The following ITPR1 variants were observed in gnomAD, a reference collection of about 807,000 sequenced individuals.
The protein encoded by ITPR1 is inositol 1,4,5-trisphosphate-gated calcium channel ITPR1.
In ITPR1, 96 loss-of-function variants were observed where a neutral mutation model predicts 318.4. The observed-to-expected ratio is 0.30, with a 90% CI of 0.26 to 0.36. ITPR1 has a LOEUF of 0.36. Ranked by LOEUF, ITPR1 falls within the 10% of genes least tolerant of loss-of-function variation. The pLI, the probability that ITPR1 is intolerant of heterozygous loss-of-function variation, is 1.00. For synonymous variants in ITPR1, 1,312 were observed against 1,289.9 expected, an observed-to-expected ratio of 1.02 and a Z score of -0.37; for missense variants, 2,440 against 3,460.2, an observed-to-expected ratio of 0.71 and a Z score of 7.40.
chr3:4,563,947 C>CT (rs535158611), intron 4 of ITPR1, among the ~76,000 whole-genome samples: 2,041 of 146,334 alleles, frequency 0.014, 40 homozygotes, highest in African/African-American at 0.046. Flanking sequence ...GTTTTCTTTT[C>CT]TTTTTTTTTT....
intron 40 of ITPR1, among the ~76,000 whole-genome samples, chr3:4,721,426 G>C (rs1176741206): frequency 1.3e-5 from 2 of 152,058 alleles, no homozygotes; most frequent in African/African-American, 2.4e-5. Context: ...AAGATTTAAA[G>C]TTGTTCTACT....
intron 46 of ITPR1, among the ~76,000 whole-genome samples, chr3:4,769,157 C>T (rs185907863): frequency 6.6e-6 from 1 of 152,262 alleles, no homozygotes; most frequent in Admixed American, 6.5e-5. Flanking sequence ...ACCTTGGCCT[C>T]CCAAAGTTCT....
At chr3:4,620,493 G>C (rs2092584734) in intron 4 of ITPR1, among the ~76,000 whole-genome samples, 1 of 152,070 alleles carries the variant, frequency 6.6e-6, no homozygotes, top group African/African-American at 2.4e-5. Flanking sequence ...AGCCTTTCCA[G>C]GGTTCTGCAG....
At chr3:4,505,823 T>C (rs998127222) in intron 2 of ITPR1, among the ~76,000 whole-genome samples, 1 of 152,176 alleles carries the variant, frequency 6.6e-6, no homozygotes, top group Non-Finnish European at 1.5e-5. Context: ...GGGGAAAACA[T>C]TGTTGGAGTT....
At chr3:4,794,918 C>T (rs1173339794) in intron 52 of ITPR1, 147 bp from the exon 53 acceptor site, 1 of 884,788 alleles carries the variant, frequency 1.1e-6, no homozygotes, top group Non-Finnish European at 1.7e-6. Flanking sequence ...TACCAAGTTC[C>T]AAACAAATGA....
intron 4 of ITPR1, among the ~76,000 whole-genome samples, chr3:4,617,501 G>A (rs1168285288): frequency 6.6e-6 from 1 of 152,204 alleles, no homozygotes; most frequent in East Asian, 1.9e-4. Context: ...GCCCACTCAT[G>A]ATAGTGAAGC....
chr3:4,730,861 A>C (rs551331365), intron 42 of ITPR1, among the ~76,000 whole-genome samples: 21 of 152,274 alleles, frequency 1.4e-4, no homozygotes, highest in Middle Eastern at 3.4e-3. Flanking sequence ...ATGCTCTTTC[A>C]GATTCCCGTT....
At chr3:4,626,006 T>A (rs918301158) in intron 4 of ITPR1, among the ~76,000 whole-genome samples, 9 of 152,200 alleles carry the variant, frequency 5.9e-5, no homozygotes, top group African/African-American at 2.2e-4. Context: ...CAGAAAAATC[T>A]GGTGAAGCCC....
intron 2 of ITPR1, among the ~76,000 whole-genome samples, chr3:4,510,296 C>T (rs1295839084): frequency 6.6e-6 from 1 of 152,064 alleles, no homozygotes; most frequent in Admixed American, 6.5e-5. Flanking sequence ...TCATGAAGAG[C>T]TCCAAAGAGA....
chr3:4,691,018 A>G lies in ITPR1; in HGVS notation c.3829-126A>G, dbSNP rs139086065. On this transcript the variant is annotated intron_variant, in intron 31 of 61. Coordinates refer to ENST00000649015, the MANE Select transcript of ITPR1 (RefSeq NM_001378452.1). ...GTACAGAAGCAAGAATGAGAGAAACATATCTTCATGGGTTTAAATGCTTCC... is the reference window on the plus strand; with the variant it reads ...GTACAGAAGCAAGAATGAGAGAAACGTATCTTCATGGGTTTAAATGCTTCC... 1.2e-3 allele frequency: 655 copies of G among 552,526 alleles called. 3 individuals are homozygous for G. The highest frequency in any genetic ancestry group is 0.011 in the African/African-American group (591 of 52,888). 34.2% of individuals were successfully genotyped at this position (552,526 alleles called of 1,614,324 possible).
chr3:4,650,639 G>GTGTGTC (rs1256812279), intron 10 of ITPR1, among the ~76,000 whole-genome samples: 1 of 137,570 alleles, frequency 7.3e-6, no homozygotes, highest in Non-Finnish European at 1.5e-5. Flanking sequence ...GTGTGTGTGT[G>GTGTGTC]TGTGTGCGCG....
In ITPR1 at chr3:4,639,450, C is replaced by A; in HGVS notation, c.346C>A (p.Gln116Lys). 6.3e-7 allele frequency: 1 copy of A among 1,581,594 alleles called. No homozygotes were observed. Among genetic ancestry groups the A allele is most frequent in the East Asian group, 2.3e-5 (1 of 43,456 alleles). The part of the protein sequence containing the change: ...ENRKLLGTVI[Q>K]YGNVIQLLHL... ...CAGGAAATTGCTGGGGACCGTAATCCAGTATGGCAATGTGATCCAGGTAGG... is the reference window on the plus strand; with the variant it reads ...CAGGAAATTGCTGGGGACCGTAATCAAGTATGGCAATGTGATCCAGGTAGG... Residue 116 changes from glutamine to lysine, a missense_variant, in exon 6 of 62, where the codon CAG becomes AAG. Gln to Lys is a moderately conservative substitution (Grantham distance 53). Around this residue, in one of 23 missense-constraint regions of ITPR1, gnomAD observed 186 missense variants for 323.9 expected, o/e 0.57. Coordinates refer to ENST00000649015, the MANE Select transcript of ITPR1 (RefSeq NM_001378452.1).
At chr3:4,738,131 G>A (rs562392277) in intron 44 of ITPR1, among the ~76,000 whole-genome samples, 1 of 152,066 alleles carries the variant, frequency 6.6e-6, no homozygotes, top group Non-Finnish European at 1.5e-5. Flanking sequence ...TACCAGAGTG[G>A]TGAAGCAATC....
intron 40 of ITPR1, 95 bp from the exon 41 acceptor site, chr3:4,725,451 C>T (rs2042441881): frequency 3.9e-6 from 4 of 1,019,064 alleles, no homozygotes; most frequent in African/African-American, 1.6e-5. Flanking sequence ...ATCCTTCCTC[C>T]TGTGTTTTGT....
intron 44 of ITPR1, among the ~76,000 whole-genome samples, chr3:4,739,673 T>C (rs1365432645): frequency 6.6e-6 from 1 of 152,226 alleles, no homozygotes; most frequent in Non-Finnish European, 1.5e-5. Context: ...TATCTGTCAC[T>C]GAATAACCAC....
intron 4 of ITPR1, among the ~76,000 whole-genome samples, chr3:4,540,957 T>A (rs2084386499): frequency 7.2e-6 from 1 of 139,352 alleles, no homozygotes; most frequent in African/African-American, 3.1e-5. Flanking sequence ...ATACTTTATA[T>A]GTGTTTTTTT....
At chr3:4,792,814 T>G (rs1016079035) in intron 52 of ITPR1, among the ~76,000 whole-genome samples, 8 of 152,170 alleles carry the variant, frequency 5.3e-5, no homozygotes, top group African/African-American at 1.9e-4. Context: ...AGTAACAGGT[T>G]GTTAAGTCCA....
At chr3:4,533,038 C>A (rs1470446211) in intron 4 of ITPR1, among the ~76,000 whole-genome samples, 1 of 152,150 alleles carries the variant, frequency 6.6e-6, no homozygotes, top group Admixed American at 6.5e-5. Flanking sequence ...AAGGACCCAG[C>A]TGTTCTTTCT....
chr3:4,594,356 C>A (rs1223906645), intron 4 of ITPR1, among the ~76,000 whole-genome samples: 1 of 152,160 alleles, frequency 6.6e-6, no homozygotes, highest in Non-Finnish European at 1.5e-5. Flanking sequence ...TCCTTTACCT[C>A]CTTACAGGTT....
Sources: gnomAD v4.1 joint callset for allele counts (sites outside exome capture counted in the v4.1 genomes callset) on GRCh38, gnomAD v4.1.1 for gene constraint, gnomAD v4.1.1 regional missense constraint, MANE v1.5 for transcripts, NCBI Gene and HGNC (gene_info 2026-07-23, HGNC 2026-07-21) for gene names.